CDH20: variants seen among roughly 807,000 people sequenced by gnomAD.
CDH20 encodes cadherin 20.
CDH20 carries 29 observed loss-of-function variants against 74.2 expected under a neutral mutation model. That is an observed-to-expected ratio of 0.39 (90% confidence interval 0.29 to 0.53). The LOEUF (loss-of-function observed/expected upper bound fraction) is 0.53, where lower values mean the gene tolerates loss of function less well. CDH20 is among the 20% of genes least tolerant of loss of function. The probability of loss-of-function intolerance (pLI) is 0.69; values close to 1 mark genes in which losing one functional copy is unlikely to be tolerated. For synonymous variants in CDH20, 469 were observed against 405.4 expected, an observed-to-expected ratio of 1.16 and a Z score of -1.88; for missense variants, 988 against 1,048.3, an observed-to-expected ratio of 0.94 and a Z score of 0.79.
chr18:61,352,887 G>A (rs187614658), intron 1 of CDH20, among the ~76,000 whole-genome samples: 28 of 152,200 alleles, frequency 1.8e-4, no homozygotes, highest in African/African-American at 6.5e-4. Flanking sequence ...TCATTGTTAG[G>A]GACTTACTTG....
intron 1 of CDH20, among the ~76,000 whole-genome samples, chr18:61,381,019 T>G (rs1395566803): frequency 6.6e-6 from 1 of 152,182 alleles, no homozygotes; most frequent in Non-Finnish European, 1.5e-5. Context: ...ATTATTAATG[T>G]AATTATTGTT....
intron 1 of CDH20, among the ~76,000 whole-genome samples, chr18:61,405,373 G>T (rs1912297938): frequency 6.6e-6 from 1 of 152,104 alleles, no homozygotes; most frequent in Non-Finnish European, 1.5e-5. Flanking sequence ...ATGGCTTGAG[G>T]CCAGGAGTCT....
At chr18:61,357,534 G>A (rs1910534036) in intron 1 of CDH20, among the ~76,000 whole-genome samples, 1 of 152,286 alleles carries the variant, frequency 6.6e-6, no homozygotes, top group Non-Finnish European at 1.5e-5. Flanking sequence ...TGTCCTCGTG[G>A]TTGCAAAATG....
intron 1 of CDH20, among the ~76,000 whole-genome samples, chr18:61,404,511 T>C (rs557825426): frequency 9.1e-4 from 139 of 152,144 alleles, no homozygotes; most frequent in African/African-American, 3.3e-3. Flanking sequence ...AGTAGATCTG[T>C]AGGGAGCAAT....
chr18:61,485,424 T>C (rs1484614029), intron 1 of CDH20, among the ~76,000 whole-genome samples: 2 of 152,140 alleles, frequency 1.3e-5, no homozygotes, highest in East Asian at 1.9e-4. Flanking sequence ...ATCTAGTGCC[T>C]GGACTACCTC....
chr18:61,456,857 T>C (rs1909588135), intron 1 of CDH20, among the ~76,000 whole-genome samples: 1 of 152,104 alleles, frequency 6.6e-6, no homozygotes, highest in Non-Finnish European at 1.5e-5. Flanking sequence ...CAGGTGGTTG[T>C]CTCTTGGTTG....
At chr18:61,466,021 C>G (rs2144368175) in intron 1 of CDH20, among the ~76,000 whole-genome samples, 1 of 151,422 alleles carries the variant, frequency 6.6e-6, no homozygotes, top group South Asian at 2.1e-4. Flanking sequence ...GATTGTGCCA[C>G]TGCACTCCAG....
At chr18:61,494,785 A>G (rs894842933) in intron 2 of CDH20, among the ~76,000 whole-genome samples, 1 of 152,200 alleles carries the variant, frequency 6.6e-6, no homozygotes, top group Non-Finnish European at 1.5e-5. Flanking sequence ...AAAGAGAGGG[A>G]TGCTGAGAGC....
At chr18:61,457,555 A>C (rs1909615465) in intron 1 of CDH20, among the ~76,000 whole-genome samples, 2 of 152,102 alleles carry the variant, frequency 1.3e-5, no homozygotes, top group Non-Finnish European at 2.9e-5. Context: ...AATTTTCTCC[A>C]AGAAATTCAA....
intron 6 of CDH20, among the ~76,000 whole-genome samples, chr18:61,516,514 C>A (rs1432548198): frequency 6.6e-6 from 1 of 152,008 alleles, no homozygotes; most frequent in Non-Finnish European, 1.5e-5. Flanking sequence ...CTATTTTGTG[C>A]CATAATTTTC....
chr18:61,532,183 G>A (rs117738535), intron 7 of CDH20, among the ~76,000 whole-genome samples: 460 of 152,230 alleles, frequency 3.0e-3, no homozygotes, highest in Non-Finnish European at 4.6e-3. Context: ...CTTCTTACCT[G>A]TAAAATAAGG....
intron 1 of CDH20, among the ~76,000 whole-genome samples, chr18:61,347,412 T>C (rs1427027040): frequency 2.8e-5 from 4 of 144,948 alleles, no homozygotes; most frequent in Admixed American, 6.9e-5. Flanking sequence ...CACAGCTACA[T>C]GGGAGGCTGA....
chr18:61,490,208 G>T (rs1910905633), intron 1 of CDH20, among the ~76,000 whole-genome samples, 194 bp from the exon 2 acceptor site: 1 of 152,120 alleles, frequency 6.6e-6, no homozygotes, highest in Non-Finnish European at 1.5e-5. Flanking sequence ...GTTTGGGATT[G>T]ATTATAGCAA....
chr18:61,487,297 A>T (rs1238793382), intron 1 of CDH20, among the ~76,000 whole-genome samples: 1 of 152,204 alleles, frequency 6.6e-6, no homozygotes, highest in Non-Finnish European at 1.5e-5. Context: ...TGAATATGAG[A>T]ACCACCTCAT....
chr18:61,416,693 A>T (rs1464840124), intron 1 of CDH20, among the ~76,000 whole-genome samples: 1 of 152,090 alleles, frequency 6.6e-6, no homozygotes, highest in Non-Finnish European at 1.5e-5. Context: ...TGCTTATCTC[A>T]CTGGCCAGGA....
intron 1 of CDH20, among the ~76,000 whole-genome samples, chr18:61,382,452 C>G (rs62098072): frequency 6.6e-6 from 1 of 152,202 alleles, no homozygotes; most frequent in African/African-American, 2.4e-5. Context: ...CCTTAACCTT[C>G]CAGTGGTAGT....
At chr18:61,473,446 A>G (rs548253715) in intron 1 of CDH20, among the ~76,000 whole-genome samples, 1 of 152,352 alleles carries the variant, frequency 6.6e-6, no homozygotes, top group East Asian at 1.9e-4. Context: ...TTAGCCTCAT[A>G]AGAACAAAAA....
In CDH20 at chr18:61,427,128, C is replaced by T. The variant is rs968964489; in HGVS notation, c.-152-63274C>T. Among the ~76,000 whole-genome samples, 4 of 152,114 alleles carry T rather than the reference C, an allele frequency of 2.6e-5. No individual in the cohort carries two copies. The East Asian group carries it at 7.7e-4, about 29-fold the overall frequency. On this transcript the variant is annotated intron_variant, in intron 1 of 11. Transcript: ENST00000262717. Reference sequence around the variant, plus strand: ...GAAATAGGATCAAGAAAGAAGAGTCCTCTGAGAAGTATGGGAATGTAGATT... The same window carrying T: ...GAAATAGGATCAAGAAAGAAGAGTCTTCTGAGAAGTATGGGAATGTAGATT...
chr18:61,500,405 A>G lies in CDH20; in HGVS notation c.564A>G (p.Thr188=). 6.2e-7 allele frequency: 1 copy of G among 1,612,684 alleles called. No homozygotes were observed. Among genetic ancestry groups the G allele is most frequent in the Non-Finnish European group, 8.5e-7 (1 of 1,179,040 alleles). Residue 188 remains threonine, a synonymous_variant, in exon 4 of 12, where the codon ACA becomes ACG. Transcript: ENST00000262717. Reference sequence around the variant, plus strand: ...CAGGTACCTCCGTCATCCAAGTGACAGCCACAGATGCAGATGACCCGACCT... The same window carrying G: ...CAGGTACCTCCGTCATCCAAGTGACGGCCACAGATGCAGATGACCCGACCT... ...SPVGTSVIQV[T]ATDADDPTYG...
Sources: allele counts gnomAD v4.1 joint callset (sites outside exome capture counted in the v4.1 genomes callset), GRCh38; gene constraint gnomAD v4.1.1; transcripts MANE v1.5; gene names NCBI Gene and HGNC (gene_info 2026-07-23, HGNC 2026-07-21).